Variants in FCHSD2 observed in about 807,000 individuals in gnomAD.
FCHSD2 encodes the protein F-BAR and double SH3 domains protein 2.
Under a neutral mutation model 108.1 loss-of-function variants are expected in FCHSD2, and 38 were observed. The observed-to-expected ratio is 0.35, with a 90% CI of 0.27 to 0.46. The LOEUF is 0.46. Ranked by LOEUF, FCHSD2 falls within the 20% of genes least tolerant of loss-of-function variation. FCHSD2 has a pLI of 1.00. For synonymous variants in FCHSD2, 279 were observed against 314.7 expected, an observed-to-expected ratio of 0.89 and a Z score of 1.20; for missense variants, 751 against 897.8, an observed-to-expected ratio of 0.84 and a Z score of 2.09.
At chr11:72,948,869 G>A (rs889839438) in intron 8 of FCHSD2, among the ~76,000 whole-genome samples, 4 of 151,690 alleles carry the variant, frequency 2.6e-5, no homozygotes, top group Admixed American at 2.6e-4. Context: ...GTTTCACCAC[G>A]TTAGCTAGGA....
chr11:72,922,281 G>C (rs1377147222), intron 8 of FCHSD2, among the ~76,000 whole-genome samples: 2 of 152,112 alleles, frequency 1.3e-5, no homozygotes, highest in African/African-American at 4.8e-5. Flanking sequence ...AAACGTGAAA[G>C]GATGCAGGTG....
At chr11:72,905,779 T>A (rs901373414) in intron 9 of FCHSD2, among the ~76,000 whole-genome samples, 1 of 152,252 alleles carries the variant, frequency 6.6e-6, no homozygotes, top group African/African-American at 2.4e-5. Context: ...CACCCCTTTT[T>A]ATGGCTGCAT....
At chr11:73,118,385 C>T (rs956928549) in intron 2 of FCHSD2, among the ~76,000 whole-genome samples, 4 of 152,124 alleles carry the variant, frequency 2.6e-5, no homozygotes, top group African/African-American at 9.7e-5. Flanking sequence ...TCCTCATGCC[C>T]CATCTTAGTC....
intron 13 of FCHSD2, among the ~76,000 whole-genome samples, chr11:72,855,879 A>G (rs1861415395): frequency 6.6e-6 from 1 of 152,192 alleles, no homozygotes; most frequent in African/African-American, 2.4e-5. Flanking sequence ...CTTGCTTTTT[A>G]TATACATCTA....
At chr11:72,903,362 G>T (rs946066926) in intron 9 of FCHSD2, among the ~76,000 whole-genome samples, 1 of 151,758 alleles carries the variant, frequency 6.6e-6, no homozygotes, top group Non-Finnish European at 1.5e-5. Context: ...GACTACAGGC[G>T]CCCGCCACTG....
At chr11:73,023,080 G>T (rs1206144040) in intron 3 of FCHSD2, among the ~76,000 whole-genome samples, 1 of 151,970 alleles carries the variant, frequency 6.6e-6, no homozygotes, top group African/African-American at 2.4e-5. Context: ...TCAATATAAA[G>T]CATAAAACTA....
At chr11:72,986,030 A>AGTC (rs1336044469) in intron 6 of FCHSD2, among the ~76,000 whole-genome samples, 4 of 152,210 alleles carry the variant, frequency 2.6e-5, no homozygotes, top group Non-Finnish European at 5.9e-5. Flanking sequence ...TGGAGCAGTT[A>AGTC]GTCTTTGCAA....
intron 7 of FCHSD2, among the ~76,000 whole-genome samples, chr11:72,984,730 G>C (rs1477971691): frequency 2.0e-5 from 3 of 152,190 alleles, no homozygotes; most frequent in Non-Finnish European, 4.4e-5. Flanking sequence ...TATCACTCAG[G>C]GGTCTAAATC....
intron 8 of FCHSD2, among the ~76,000 whole-genome samples, chr11:72,970,900 C>G (rs893555578): frequency 6.6e-6 from 1 of 152,122 alleles, no homozygotes; most frequent in East Asian, 1.9e-4. Context: ...AAAGGCAATA[C>G]CAAGAAGCCA....
intron 2 of FCHSD2, among the ~76,000 whole-genome samples, chr11:73,132,755 T>C (rs1861031508): frequency 7.2e-6 from 1 of 138,822 alleles, no homozygotes; most frequent in Non-Finnish European, 1.5e-5. Flanking sequence ...TCCCAGAAGG[T>C]GGAGATTGCA....
rs961897428 is a variant in FCHSD2 at position 72,962,114 on chromosome 11, G to A, written c.705+21974C>T. ...CAGTAATAAGTTTATTTAGTATATGGCAGAGGTTCTCAAGGTAAGATCAAG... is the reference window on the plus strand; with the variant it reads ...CAGTAATAAGTTTATTTAGTATATGACAGAGGTTCTCAAGGTAAGATCAAG... On this transcript the variant is annotated intron_variant, in intron 8 of 19. Coordinates refer to ENST00000409418, the MANE Select transcript of FCHSD2 (RefSeq NM_014824.3). Among the ~76,000 whole-genome samples the A allele has an allele frequency of 2.2e-4, 33 of 152,184 alleles. 1 individual carries two copies. Among genetic ancestry groups the A allele is most frequent in the African/African-American group, 5.5e-4 (23 of 41,536 alleles).
At chr11:72,910,879 A>G (rs1421845918) in intron 9 of FCHSD2, among the ~76,000 whole-genome samples, 2 of 150,180 alleles carry the variant, frequency 1.3e-5, no homozygotes, top group Admixed American at 1.3e-4. Context: ...AGCTCCTTAT[A>G]TATTCTCATT....
At chr11:73,016,816 A>G (rs918715424) in intron 3 of FCHSD2, among the ~76,000 whole-genome samples, 8 of 152,082 alleles carry the variant, frequency 5.3e-5, no homozygotes, top group Admixed American at 4.6e-4. Flanking sequence ...CCCACTTACT[A>G]TTATCTACAC....
intron 9 of FCHSD2, among the ~76,000 whole-genome samples, chr11:72,906,938 T>C (rs1009589580): frequency 6.6e-6 from 1 of 152,232 alleles, no homozygotes; most frequent in African/African-American, 2.4e-5. Flanking sequence ...AACTTTAAAG[T>C]AGTTTTTTCC....
At chr11:72,892,337 T>C (rs1221504061) in intron 10 of FCHSD2, among the ~76,000 whole-genome samples, 4 of 152,202 alleles carry the variant, frequency 2.6e-5, no homozygotes, top group Non-Finnish European at 5.9e-5. Flanking sequence ...GATTGGAAGA[T>C]GTGGCTTTGA....
chr11:72,979,119 A>C (rs985509241), intron 8 of FCHSD2, among the ~76,000 whole-genome samples: 1 of 152,182 alleles, frequency 6.6e-6, no homozygotes, highest in South Asian at 2.1e-4. Context: ...CGGCCTCCCA[A>C]GGTGCTGGGA....
chr11:72,945,623 T>C (rs918115850), intron 8 of FCHSD2, among the ~76,000 whole-genome samples: 6 of 152,060 alleles, frequency 3.9e-5, no homozygotes, highest in African/African-American at 1.2e-4. Context: ...ACCTACAGAA[T>C]GGGAGAATAT....
At chr11:73,047,525 T>C (rs573270284) in intron 3 of FCHSD2, among the ~76,000 whole-genome samples, 1 of 152,322 alleles carries the variant, frequency 6.6e-6, no homozygotes, top group African/African-American at 2.4e-5. Context: ...TACTGGTCAT[T>C]GACAGTACCT....
At chr11:73,101,273 GC>G (rs1244055039) in intron 2 of FCHSD2, among the ~76,000 whole-genome samples, 1 of 152,160 alleles carries the variant, frequency 6.6e-6, no homozygotes, top group Non-Finnish European at 1.5e-5. Flanking sequence ...GCAACTTTGG[GC>G]AAATCAGATA....
Sources: gnomAD v4.1 joint callset for allele counts (sites outside exome capture counted in the v4.1 genomes callset) on GRCh38, gnomAD v4.1.1 for gene constraint, MANE v1.5 for transcripts, NCBI Gene and HGNC (gene_info 2026-07-23, HGNC 2026-07-21) for gene names.